CNTNAP4: variants seen among roughly 807,000 people sequenced by gnomAD.
CNTNAP4 encodes the protein contactin associated protein family member 4.
A neutral mutation model predicts 148.4 loss-of-function variants in CNTNAP4; 98 were observed. The ratio of observed to expected loss-of-function variants is 0.66; its 90% CI spans 0.56 to 0.78. The LOEUF (loss-of-function observed/expected upper bound fraction) is 0.78, where lower values mean the gene tolerates loss of function less well. Among genes scored for constraint, CNTNAP4 ranks in the 30% least tolerant of loss-of-function variants. The pLI, the probability that CNTNAP4 is intolerant of heterozygous loss-of-function variation, is 0.00. For missense variants in CNTNAP4, 1,935 were observed against 1,565.6 expected (o/e 1.24, Z -3.98); for synonymous variants, 730 against 565.1 (o/e 1.29, Z -4.14).
intron 17 of CNTNAP4, among the ~76,000 whole-genome samples, chr16:76,525,627 GTT>G (rs2083689701): frequency 1.1e-5 from 1 of 93,352 alleles, no homozygotes; most frequent in African/African-American, 3.8e-5. Flanking sequence ...TTTATATGTA[GTT>G]TATAACTACA....
chr16:76,462,118 G>A lies in CNTNAP4; in HGVS notation c.1483+13G>A, dbSNP rs756731860. 3 of 1,608,254 alleles carry A rather than the reference G, an allele frequency of 1.9e-6. No homozygotes were observed. The African/African-American group carries it at 4.0e-5, about 21-fold the overall frequency. ...TATTATTTTGGAGGTAAGAATAGGT[G>A]CCAGGCTCTATGAGCAACTGAACCA... On this transcript the variant is annotated intron_variant, in intron 9 of 23. Transcript: ENST00000611870.
At position 76,543,964 on chromosome 16, in the gene CNTNAP4, C is replaced by T. The variant is rs557990544; in HGVS notation, c.3442+3174C>T. ...AAATACATACCTTGTGATCACCTAC[C>T]ATGTAAACAGAGAACGCCACTCAAC... On this transcript the variant is annotated intron_variant, in intron 21 of 23. Transcript: ENST00000611870. Among the ~76,000 whole-genome samples the T allele has an allele frequency of 1.1e-4, 16 of 152,224 alleles. 1 individual carries two copies. In the South Asian group the frequency reaches 3.3e-3, roughly 32 times the overall value.
At chr16:76,315,776 G>T (rs1174967768) in intron 1 of CNTNAP4, among the ~76,000 whole-genome samples, 2 of 151,796 alleles carry the variant, frequency 1.3e-5, no homozygotes, top group African/African-American at 4.8e-5. Context: ...TTTATTTCTG[G>T]TAGAGATGGG....
intron 2 of CNTNAP4, among the ~76,000 whole-genome samples, chr16:76,344,197 C>CAT (rs1269605962): frequency 1.3e-5 from 2 of 151,054 alleles, no homozygotes; most frequent in Non-Finnish European, 2.9e-5. Flanking sequence ...CATACATACA[C>CAT]ACATATATAT....
At chr16:76,318,372 A>C (rs1453317190) in intron 2 of CNTNAP4, among the ~76,000 whole-genome samples, 1 of 152,120 alleles carries the variant, frequency 6.6e-6, no homozygotes, top group Admixed American at 6.5e-5. Context: ...TCATTAATTT[A>C]TATACTCATC....
intron 17 of CNTNAP4, 104 bp downstream of exon 17, chr16:76,522,361 C>A: frequency 1.1e-6 from 1 of 929,146 alleles, no homozygotes; most frequent in Non-Finnish European, 1.6e-6. Flanking sequence ...TAACAACAAG[C>A]AATAATAACA....
chr16:76,354,449 C>G (rs2012295037), intron 2 of CNTNAP4, among the ~76,000 whole-genome samples: 1 of 152,160 alleles, frequency 6.6e-6, no homozygotes, highest in Non-Finnish European at 1.5e-5. Flanking sequence ...ACAGCTTGCT[C>G]TATGATTTCC....
At chr16:76,306,417 T>G (rs987388813) in intron 1 of CNTNAP4, among the ~76,000 whole-genome samples, 1 of 152,144 alleles carries the variant, frequency 6.6e-6, no homozygotes, top group Non-Finnish European at 1.5e-5. Context: ...CCCCAATCTC[T>G]ACAAAAACAA....
intron 2 of CNTNAP4, among the ~76,000 whole-genome samples, chr16:76,345,657 G>A (rs1170202809): frequency 6.6e-6 from 1 of 152,168 alleles, no homozygotes; most frequent in Admixed American, 6.5e-5. Context: ...CACAGAGCCT[G>A]GAAGATGGAA....
intron 3 of CNTNAP4, among the ~76,000 whole-genome samples, chr16:76,357,050 C>G (rs1282161646): frequency 6.9e-6 from 1 of 144,264 alleles, no homozygotes; most frequent in South Asian, 2.2e-4. Context: ...AACAAAACAA[C>G]AAAACAAAAC....
At chr16:76,349,107 C>T (rs72628206) in intron 2 of CNTNAP4, among the ~76,000 whole-genome samples, 28,579 of 151,990 alleles carry the variant, frequency 0.19, 3,454 homozygotes, top group East Asian at 0.47. Context: ...CAGGACCTAG[C>T]GGTCCTGATC....
chr16:76,437,864 G>A (rs1041386746), intron 4 of CNTNAP4, among the ~76,000 whole-genome samples: 1 of 152,064 alleles, frequency 6.6e-6, no homozygotes, highest in Non-Finnish European at 1.5e-5. Context: ...TCACAACAAG[G>A]GAGAAGATCA....
At chr16:76,412,274 G>T (rs2078827045) in intron 3 of CNTNAP4, among the ~76,000 whole-genome samples, 1 of 151,206 alleles carries the variant, frequency 6.6e-6, no homozygotes, top group South Asian at 2.1e-4. Context: ...TATACTTTGG[G>T]TCAATTATGA....
At chr16:76,311,602 G>C (rs1961120430) in intron 1 of CNTNAP4, among the ~76,000 whole-genome samples, 1 of 152,146 alleles carries the variant, frequency 6.6e-6, no homozygotes, top group Non-Finnish European at 1.5e-5. Flanking sequence ...GGTCTATGTG[G>C]AAATTCTAAT....
intron 23 of CNTNAP4, among the ~76,000 whole-genome samples, chr16:76,554,790 G>A (rs150503797): frequency 2.3e-4 from 35 of 151,742 alleles, no homozygotes; most frequent in African/African-American, 8.2e-4. Flanking sequence ...TCGTTTGCAG[G>A]TGACTTAGAG....
chr16:76,353,727 A>G lies in CNTNAP4; in HGVS notation c.197-1591A>G, dbSNP rs1010280110. On this transcript the variant is annotated intron_variant, in intron 2 of 23. Coordinates refer to ENST00000611870, the MANE Select transcript of CNTNAP4 (RefSeq NM_033401.5). ...TTATGCTGTCCTCTGGTGCATCCCC[A>G]TGTGTGGTCCTGCCTGGCGTCTTCT... is the stretch of plus-strand genomic sequence containing the variant. Among the ~76,000 whole-genome samples the G allele has an allele frequency of 8.5e-5, 13 of 152,190 alleles. No individual in the cohort carries two copies. The East Asian group carries it at 9.7e-4, about 11-fold the overall frequency.
At chr16:76,347,079 A>G (rs967012851) in intron 2 of CNTNAP4, among the ~76,000 whole-genome samples, 6 of 152,106 alleles carry the variant, frequency 3.9e-5, no homozygotes, top group Admixed American at 2.0e-4. Flanking sequence ...AAAGCAATAC[A>G]TACATCTTTG....
intron 3 of CNTNAP4, among the ~76,000 whole-genome samples, chr16:76,398,707 T>C (rs2078297587): frequency 6.6e-6 from 1 of 152,208 alleles, no homozygotes; most frequent in Non-Finnish European, 1.5e-5. Context: ...CCCACATTTG[T>C]GCCAACACAT....
At chr16:76,444,597 ATTAACT>A (rs2080168497) in intron 4 of CNTNAP4, among the ~76,000 whole-genome samples, 2 of 152,170 alleles carry the variant, frequency 1.3e-5, no homozygotes, top group South Asian at 2.1e-4. Context: ...TTTTTATATG[ATTAACT>A]TTATGCCACA....
Sources: allele counts gnomAD v4.1 joint callset (sites outside exome capture counted in the v4.1 genomes callset), GRCh38; gene constraint gnomAD v4.1.1; transcripts MANE v1.5; gene names NCBI Gene and HGNC (gene_info 2026-07-23, HGNC 2026-07-21).